FOXN3: variants seen among roughly 807,000 people sequenced by gnomAD.
FOXN3 encodes the protein forkhead box protein N3.
Under a neutral mutation model 38.4 loss-of-function variants are expected in FOXN3, and 7 were observed. That is an observed-to-expected ratio of 0.18 (90% CI 0.10 to 0.34). The LOEUF (loss-of-function observed/expected upper bound fraction) is 0.34. FOXN3 is among the 10% of genes least tolerant of loss of function. The probability of loss-of-function intolerance (pLI) is 1.00; values close to 1 mark genes in which losing one functional copy is unlikely to be tolerated. For synonymous variants in FOXN3, 230 were observed against 242.2 expected, an observed-to-expected ratio of 0.95 and a Z score of 0.47; for missense variants, 456 against 613.4, an observed-to-expected ratio of 0.74 and a Z score of 2.71.
At chr14:89,424,150 A>G (rs1891974696) in intron 1 of FOXN3, among the ~76,000 whole-genome samples, 1 of 152,256 alleles carries the variant, frequency 6.6e-6, no homozygotes, top group African/African-American at 2.4e-5. Flanking sequence ...ATATTATTAC[A>G]TTCTGTGGGG....
At chr14:89,434,866 A>G (rs1387004201) in intron 1 of FOXN3, among the ~76,000 whole-genome samples, 1 of 152,194 alleles carries the variant, frequency 6.6e-6, no homozygotes, top group Non-Finnish European at 1.5e-5. Context: ...GCACTCCGGT[A>G]GTTATTGTCT....
chr14:89,528,525 T>C (rs944450902), intron 1 of FOXN3, among the ~76,000 whole-genome samples: 1 of 151,542 alleles, frequency 6.6e-6, no homozygotes, highest in Non-Finnish European at 1.5e-5. Flanking sequence ...GCCTCCCGAG[T>C]AGCTGGGACT....
chr14:89,390,509 A>AAAAG (rs1372658538), intron 2 of FOXN3, among the ~76,000 whole-genome samples: 1 of 149,138 alleles, frequency 6.7e-6, no homozygotes, highest in Non-Finnish European at 1.5e-5. Flanking sequence ...AAAAAAAAAA[A>AAAAG]GGAAATCTCA....
At chr14:89,517,354 TAAAAAAAAAAAA>T (rs57430361) in intron 1 of FOXN3, among the ~76,000 whole-genome samples, 150 of 129,316 alleles carry the variant, frequency 1.2e-3, no homozygotes, top group South Asian at 2.4e-3. Flanking sequence ...GACCCTGTCT[TAAAAAAAAAAAA>T]AAAAAAAAAA....
chr14:89,333,747 A>ATT (rs1555418763), intron 3 of FOXN3, among the ~76,000 whole-genome samples: 11 of 76,472 alleles, frequency 1.4e-4, no homozygotes, highest in Admixed American at 3.0e-4. Context: ...CAGAGAGACT[A>ATT]TTAAAAAAAA....
chr14:89,271,044 T>C (rs992874028), intron 4 of FOXN3, among the ~76,000 whole-genome samples: 2 of 151,798 alleles, frequency 1.3e-5, no homozygotes, highest in South Asian at 2.1e-4. Context: ...TGCACATACC[T>C]GCACACACAC....
At chr14:89,385,586 T>C (rs1424198569) in intron 2 of FOXN3, among the ~76,000 whole-genome samples, 1 of 148,740 alleles carries the variant, frequency 6.7e-6, no homozygotes, top group Non-Finnish European at 1.5e-5. Flanking sequence ...GGCAGATGGA[T>C]CACCTGAGGT....
chr14:89,425,068 T>TTC (rs1555353151), intron 1 of FOXN3, among the ~76,000 whole-genome samples: 4 of 143,056 alleles, frequency 2.8e-5, no homozygotes, highest in Non-Finnish European at 4.6e-5. Context: ...TTTTCTTTTT[T>TTC]TTTTTTTTTT....
At chr14:89,388,689 C>T (rs28450033) in intron 2 of FOXN3, among the ~76,000 whole-genome samples, 18,704 of 151,710 alleles carry the variant, frequency 0.12, 1,389 homozygotes, top group East Asian at 0.33. Context: ...CAGAGAAGAC[C>T]TCTCTGAAGG....
chr14:89,279,026 C>T (rs758578068), intron 4 of FOXN3, among the ~76,000 whole-genome samples: 11 of 151,956 alleles, frequency 7.2e-5, no homozygotes, highest in Non-Finnish European at 1.3e-4. Context: ...GAAGAATACC[C>T]ACATATTCCA....
chr14:89,237,944 C>T (rs1259295356), intron 4 of FOXN3, among the ~76,000 whole-genome samples: 1 of 152,178 alleles, frequency 6.6e-6, no homozygotes. Flanking sequence ...CACACTCTAG[C>T]ACATTATGGG....
chr14:89,404,287 A>T lies in FOXN3; in HGVS notation c.543+7647T>A, dbSNP rs1252861005. On this transcript the variant is annotated intron_variant, in intron 2 of 5. Coordinates refer to ENST00000557258, the MANE Select transcript of FOXN3 (RefSeq NM_005197.4). ...CACTTTGGGAGGCCGAGGCGGGCAG[A>T]TCACAAGGTCAGGAGTTCGAGACCA... Among the ~76,000 whole-genome samples the T allele has an allele frequency of 2.6e-5, 4 of 151,998 alleles. No individual in the cohort carries two copies. In the East Asian group the frequency reaches 7.8e-4, roughly 29 times the overall value.
Position 89,235,607 on chromosome 14 carries a change from G to C in FOXN3, c.745+45343C>G, listed in dbSNP as rs567925420. Among the ~76,000 whole-genome samples, 302 of 152,304 alleles carry C rather than the reference G, an allele frequency of 2.0e-3. 2 individuals carry two copies. Among genetic ancestry groups the C allele is most frequent in the African/African-American group, 7.0e-3 (291 of 41,570 alleles). On this transcript the variant is annotated intron_variant, in intron 4 of 5. Transcript: ENST00000557258. ...ACATGTGACTATGTTAGATTTCATGGCACAGGGGAATTAAGGTTGCAGCTC... is the reference window on the plus strand; with the variant it reads ...ACATGTGACTATGTTAGATTTCATGCCACAGGGGAATTAAGGTTGCAGCTC...
At chr14:89,404,081 A>T (rs909756825) in intron 2 of FOXN3, among the ~76,000 whole-genome samples, 6 of 152,206 alleles carry the variant, frequency 3.9e-5, no homozygotes, top group African/African-American at 1.4e-4. Context: ...TAGGTACTTT[A>T]AAAAGTTTGT....
In FOXN3 at chr14:89,268,438, T is replaced by G. The variant is rs117759399; in HGVS notation, c.745+12512A>C. Among the ~76,000 whole-genome samples the G allele has an allele frequency of 3.7e-3, 557 of 152,332 alleles. 2 individuals are homozygous for G. The highest frequency in any genetic ancestry group is 6.2e-3 in the Non-Finnish European group (420 of 68,026). On this transcript the variant is annotated intron_variant, in intron 4 of 5. Transcript: ENST00000557258. ...AAATCACCAGTGCTGTATACTTAGT[T>G]TAACTAACACTGTTAATTAGAAACA...
chr14:89,460,622 GA>G, intron 1 of FOXN3, among the ~76,000 whole-genome samples: 1 of 151,854 alleles, frequency 6.6e-6, no homozygotes, highest in Admixed American at 6.6e-5. Flanking sequence ...GGAACATGGA[GA>G]AAATTAATTA....
chr14:89,262,844 T>C (rs192009273), intron 4 of FOXN3, among the ~76,000 whole-genome samples: 13 of 152,340 alleles, frequency 8.5e-5, no homozygotes, highest in Middle Eastern at 3.4e-3. Context: ...TTCAGTTTAA[T>C]TGAAGATAAC....
chr14:89,541,149 C>G (rs77562205), intron 1 of FOXN3, among the ~76,000 whole-genome samples: 1,978 of 152,224 alleles, frequency 0.013, 45 homozygotes, highest in African/African-American at 0.045. Flanking sequence ...TGAATGGAAC[C>G]AGAGCTACAG....
At chr14:89,597,562 T>C (rs1330180035) in intron 1 of FOXN3, among the ~76,000 whole-genome samples, 1 of 152,226 alleles carries the variant, frequency 6.6e-6, no homozygotes, top group Non-Finnish European at 1.5e-5. Flanking sequence ...TTAAAATTTC[T>C]AACTATATAG....
Sources: gnomAD v4.1 joint callset for allele counts (sites outside exome capture counted in the v4.1 genomes callset) on GRCh38, gnomAD v4.1.1 for gene constraint, MANE v1.5 for transcripts, NCBI Gene and HGNC (gene_info 2026-07-23, HGNC 2026-07-21) for gene names.